The following ZNF423 variants were observed in gnomAD, a reference collection of about 807,000 sequenced individuals.
ZNF423 encodes Ebf-associated zinc finger protein.
ZNF423 carries 12 observed loss-of-function variants against 95.8 expected under a neutral mutation model. That is an observed-to-expected ratio of 0.13 (90% confidence interval 0.08 to 0.20). The LOEUF (loss-of-function observed/expected upper bound fraction) is 0.20. Among genes scored for constraint, ZNF423 ranks in the 10% least tolerant of loss-of-function variants. The pLI, the probability that ZNF423 is intolerant of heterozygous loss-of-function variation, is 1.00. For missense variants in ZNF423, 1,316 were observed against 1,737.1 expected (o/e 0.76, Z 4.31); for synonymous variants, 749 against 711.9 (o/e 1.05, Z -0.83).
chr16:49,748,459 G>A (rs1243109063), intron 2 of ZNF423, among the ~76,000 whole-genome samples: 1 of 152,170 alleles, frequency 6.6e-6, no homozygotes, highest in Non-Finnish European at 1.5e-5. Flanking sequence ...AATGGAAAAC[G>A]GCCTAATTCA....
intron 3 of ZNF423, among the ~76,000 whole-genome samples, chr16:49,700,215 A>AAAAG (rs1555473664): frequency 8.8e-5 from 12 of 136,104 alleles, no homozygotes; most frequent in African/African-American, 3.5e-4. Context: ...AAAAAAAAAA[A>AAAAG]AACAAGAAGA....
At chr16:49,696,854 CCT>C (rs1260191622) in intron 3 of ZNF423, among the ~76,000 whole-genome samples, 1 of 152,188 alleles carries the variant, frequency 6.6e-6, no homozygotes, top group Non-Finnish European at 1.5e-5. Context: ...GGACCAGCCC[CCT>C]GTCTCCTCTC....
chr16:49,615,128 T>TCACA (rs557190259), intron 5 of ZNF423, among the ~76,000 whole-genome samples: 8,900 of 98,220 alleles, frequency 0.091, 327 homozygotes, highest in Middle Eastern at 0.12. Context: ...AGAAACTCCA[T>TCACA]CTCACACACA....
At chr16:49,581,159 G>T (rs1002212299) in intron 5 of ZNF423, among the ~76,000 whole-genome samples, 1 of 141,008 alleles carries the variant, frequency 7.1e-6, no homozygotes, top group Non-Finnish European at 1.6e-5. Flanking sequence ...CAGCCCCACT[G>T]ATGTGGGCTT....
At chr16:49,540,126 T>A (rs762755815) in intron 5 of ZNF423, among the ~76,000 whole-genome samples, 1 of 152,222 alleles carries the variant, frequency 6.6e-6, no homozygotes, top group Non-Finnish European at 1.5e-5. Flanking sequence ...GACACACACA[T>A]GCACAGCCTC....
intron 5 of ZNF423, among the ~76,000 whole-genome samples, chr16:49,611,248 A>G (rs1971710695): frequency 6.6e-6 from 1 of 152,090 alleles, no homozygotes; most frequent in Non-Finnish European, 1.5e-5. Flanking sequence ...AGACCATATC[A>G]TGGGTCATAA....
At chr16:49,517,722 C>T (rs2151694576) in intron 7 of ZNF423, 2 of 232,828 alleles carry the variant, frequency 8.6e-6, no homozygotes, top group East Asian at 1.3e-4. Flanking sequence ...TGGTGAGTTT[C>T]TTGGTAATAT....
intron 3 of ZNF423, among the ~76,000 whole-genome samples, chr16:49,680,624 C>T (rs1452777344): frequency 1.3e-5 from 2 of 152,200 alleles, no homozygotes; most frequent in African/African-American, 2.4e-5. Flanking sequence ...CAGTGGAAGC[C>T]ACTTACAGTA....
intron 5 of ZNF423, among the ~76,000 whole-genome samples, chr16:49,538,728 G>A (rs1969143735): frequency 6.6e-6 from 1 of 152,170 alleles, no homozygotes; most frequent in Non-Finnish European, 1.5e-5. Flanking sequence ...TTAGGTTACG[G>A]ATTCTGTACC....
At chr16:49,724,881 A>AT (rs1462263659) in intron 3 of ZNF423, among the ~76,000 whole-genome samples, 3 of 152,022 alleles carry the variant, frequency 2.0e-5, no homozygotes, top group Non-Finnish European at 4.4e-5. Context: ...CCAGGAACAC[A>AT]TTTTTTGCTG....
intron 3 of ZNF423, among the ~76,000 whole-genome samples, chr16:49,647,187 G>C (rs181924844): frequency 1.0e-3 from 156 of 152,286 alleles, no homozygotes; most frequent in African/African-American, 3.6e-3. Context: ...ACTTGAACCA[G>C]GTACAGGTCT....
At chr16:49,666,124 C>T (rs768714571) in intron 3 of ZNF423, among the ~76,000 whole-genome samples, 1 of 152,204 alleles carries the variant, frequency 6.6e-6, no homozygotes, top group Non-Finnish European at 1.5e-5. Context: ...AATGCGGCCC[C>T]CCAGATCCTG....
At chr16:49,589,376 G>A (rs868401190) in intron 5 of ZNF423, among the ~76,000 whole-genome samples, 2 of 152,184 alleles carry the variant, frequency 1.3e-5, no homozygotes, top group African/African-American at 2.4e-5. Flanking sequence ...TACTCTGGGC[G>A]AAGAAACGTA....
intron 3 of ZNF423, among the ~76,000 whole-genome samples, chr16:49,706,142 A>G (rs1408810809): frequency 6.6e-6 from 1 of 152,182 alleles, no homozygotes. Flanking sequence ...AGGGCCAGAC[A>G]TGACCACAAA....
At chr16:49,780,938 C>G (rs887785636) in intron 2 of ZNF423, among the ~76,000 whole-genome samples, 1 of 152,230 alleles carries the variant, frequency 6.6e-6, no homozygotes, top group Non-Finnish European at 1.5e-5. Context: ...GTTGAGGGCT[C>G]AAGCACAAAA....
At chr16:49,740,804 C>T (rs1358990209) in intron 2 of ZNF423, among the ~76,000 whole-genome samples, 3 of 152,190 alleles carry the variant, frequency 2.0e-5, no homozygotes, top group Admixed American at 6.5e-5. Flanking sequence ...CAGAGGCCCA[C>T]AGAAATGACT....
chr16:49,699,402 A>G (rs1373309439), intron 3 of ZNF423, among the ~76,000 whole-genome samples: 1 of 152,262 alleles, frequency 6.6e-6, no homozygotes, highest in Non-Finnish European at 1.5e-5. Context: ...GATCTAAAAA[A>G]TAAAATAAAT....
chr16:49,607,068 G>C (rs924608970), intron 5 of ZNF423, among the ~76,000 whole-genome samples: 2 of 120,004 alleles, frequency 1.7e-5, no homozygotes, highest in Non-Finnish European at 3.3e-5. Context: ...AAATGTTTTG[G>C]ATTTTTTTTT....
rs1966868899 is a variant in ZNF423, at chr16:49,487,692, A to G, written c.*3583T>C. 6.6e-6 allele frequency: 1 copy of G among 152,162 alleles called. No homozygotes were observed. The highest frequency in any genetic ancestry group is 2.4e-5 in the African/African-American group (1 of 41,428). 9.4% of individuals were successfully genotyped at this position (152,162 alleles called of 1,614,324 possible). On this transcript the variant is annotated 3_prime_UTR_variant, in exon 8 of 8. Transcript: ENST00000563137. ...GGACAAGATTCTGAACTTCTCTGGG[A>G]TTGTTTTAAGCCACCTAGAATTGAA...
Sources: allele counts gnomAD v4.1 joint callset (sites outside exome capture counted in the v4.1 genomes callset), GRCh38; gene constraint gnomAD v4.1.1; transcripts MANE v1.5; gene names NCBI Gene and HGNC (gene_info 2026-07-23, HGNC 2026-07-21).